Variants in GSK3B observed in about 807,000 individuals in gnomAD.
GSK3B encodes glycogen synthase kinase 3 beta.
GSK3B carries 15 observed loss-of-function variants against 56.4 expected under a neutral mutation model. That is an observed-to-expected ratio of 0.27 (90% confidence interval 0.18 to 0.41). The LOEUF (loss-of-function observed/expected upper bound fraction) is 0.41. Among genes scored for constraint, GSK3B ranks in the 10% least tolerant of loss-of-function variants. GSK3B has a pLI of 1.00. For missense variants in GSK3B, 300 were observed against 513.4 expected, an observed-to-expected ratio of 0.58 and a Z score of 4.02; for synonymous variants, 181 against 188.9, an observed-to-expected ratio of 0.96 and a Z score of 0.34.
chr3:119,833,030 C>T (rs923179743), intron 10 of GSK3B: 49 of 939,750 alleles, frequency 5.2e-5, no homozygotes, highest in Non-Finnish European at 6.1e-5. Context: ...GATTAATGGT[C>T]AACTGTCTCA....
intron 1 of GSK3B, among the ~76,000 whole-genome samples, chr3:120,026,029 T>G (rs2057920055): frequency 2.0e-5 from 3 of 152,208 alleles, no homozygotes; most frequent in Admixed American, 2.0e-4. Flanking sequence ...CTGGGTTTTA[T>G]AGCTTACTTT....
Position 120,069,800 on chromosome 3 carries a change from CACTT to C in GSK3B, c.88+23543_88+23546del, listed in dbSNP as rs1169739494. Among the ~76,000 whole-genome samples, 5 of 152,134 alleles carry C rather than the reference CACTT, an allele frequency of 3.3e-5. No individual in the cohort carries two copies. In the East Asian group the frequency reaches 5.8e-4, roughly 18 times the overall value. On this transcript the variant is annotated intron_variant, in intron 1 of 10. Transcript: ENST00000264235. ...CCAACATTTCCTGATTACGAATACT[CACTT>C]AAAAACTTCCAGATCCCTAGTGACA... is the stretch of plus-strand genomic sequence containing the variant.
intron 7 of GSK3B, among the ~76,000 whole-genome samples, chr3:119,890,416 T>C (rs1299549988): frequency 6.6e-6 from 1 of 152,126 alleles, no homozygotes; most frequent in East Asian, 1.9e-4. Flanking sequence ...TATGAAATTC[T>C]AGAATAGGCA....
chr3:119,865,711 C>T (rs370037746), intron 8 of GSK3B, among the ~76,000 whole-genome samples: 1 of 151,520 alleles, frequency 6.6e-6, no homozygotes, highest in African/African-American at 2.4e-5. Flanking sequence ...CCTCATGATC[C>T]GCCCGCCTCG....
intron 6 of GSK3B, 25 bp downstream of exon 6, chr3:119,912,679 G>A: frequency 3.1e-6 from 3 of 967,920 alleles, no homozygotes; most frequent in Non-Finnish European, 4.9e-6. Context: ...ATAATTATGA[G>A]CATTATATTC....
intron 8 of GSK3B, among the ~76,000 whole-genome samples, chr3:119,870,345 C>A (rs1014393162): frequency 6.6e-6 from 1 of 152,200 alleles, no homozygotes; most frequent in Non-Finnish European, 1.5e-5. Flanking sequence ...ATATATTTTA[C>A]TTCTTTTGCA....
At chr3:119,919,715 G>A (rs2056818656) in intron 4 of GSK3B, among the ~76,000 whole-genome samples, 1 of 151,948 alleles carries the variant, frequency 6.6e-6, no homozygotes, top group African/African-American at 2.4e-5. Flanking sequence ...GCACAGGGTT[G>A]TTCACTATAG....
At chr3:119,831,513 T>A (rs1295085432) in intron 10 of GSK3B, among the ~76,000 whole-genome samples, 1 of 151,878 alleles carries the variant, frequency 6.6e-6, no homozygotes, top group Non-Finnish European at 1.5e-5. Context: ...AAAAATTAGC[T>A]GGGCATAGTG....
At chr3:120,042,650 T>C (rs531253925) in intron 1 of GSK3B, among the ~76,000 whole-genome samples, 3 of 152,292 alleles carry the variant, frequency 2.0e-5, no homozygotes, top group African/African-American at 4.8e-5. Context: ...ATTAAAAATA[T>C]AGTGCTCAAG....
chr3:120,056,170 G>C (rs950332136), intron 1 of GSK3B, among the ~76,000 whole-genome samples: 2 of 152,184 alleles, frequency 1.3e-5, no homozygotes, highest in African/African-American at 2.4e-5. Context: ...TCTGGAAAAT[G>C]TAATTTTCAT....
chr3:119,922,216 A>G (rs529499297), intron 4 of GSK3B, among the ~76,000 whole-genome samples: 214 of 101,808 alleles, frequency 2.1e-3, no homozygotes, highest in Non-Finnish European at 1.8e-3. Flanking sequence ...GAGGGAAGGA[A>G]GGAAGGAAGG....
chr3:119,876,392 T>C (rs1485241453), intron 8 of GSK3B, 21 bp downstream of exon 8: 4 of 1,340,404 alleles, frequency 3.0e-6, no homozygotes, highest in Non-Finnish European at 4.3e-6. Context: ...ATTAATATAC[T>C]TAAAAAAAAA....
At chr3:119,865,470 T>A (rs879397050) in intron 8 of GSK3B, among the ~76,000 whole-genome samples, 814 of 24,176 alleles carry the variant, frequency 0.034, no homozygotes, top group Non-Finnish European at 0.043. Context: ...ATATATATTT[T>A]TTTTTTTTTT....
At chr3:120,046,981 G>C (rs1223990942) in intron 1 of GSK3B, among the ~76,000 whole-genome samples, 1 of 152,156 alleles carries the variant, frequency 6.6e-6, no homozygotes, top group African/African-American at 2.4e-5. Flanking sequence ...TGTAAAATGA[G>C]AGAGCTAAAT....
intron 10 of GSK3B, among the ~76,000 whole-genome samples, chr3:119,842,688 C>T (rs541386738): frequency 3.9e-5 from 6 of 152,048 alleles, no homozygotes; most frequent in Middle Eastern, 3.4e-3. Context: ...GAACTCCTGG[C>T]CTCGAGTGAT....
At chr3:119,909,201 G>T (rs982237678) in intron 6 of GSK3B, among the ~76,000 whole-genome samples, 3 of 152,052 alleles carry the variant, frequency 2.0e-5, no homozygotes, top group African/African-American at 7.2e-5. Flanking sequence ...GGTAGTGACA[G>T]GTTTTCACCA....
chr3:119,880,472 G>A (rs183839605), intron 7 of GSK3B, among the ~76,000 whole-genome samples: 7 of 152,156 alleles, frequency 4.6e-5, no homozygotes, highest in East Asian at 1.9e-4. Context: ...TGGTCCCTAT[G>A]TGTAGTTTCT....
At chr3:120,014,977 C>T (rs187559578) in intron 1 of GSK3B, among the ~76,000 whole-genome samples, 4 of 152,264 alleles carry the variant, frequency 2.6e-5, no homozygotes, top group African/African-American at 9.6e-5. Context: ...ATAACATCCC[C>T]TTCTTTAAAA....
At chr3:119,916,726 T>C (rs184200189) in intron 4 of GSK3B, among the ~76,000 whole-genome samples, 236 of 152,256 alleles carry the variant, frequency 1.6e-3, no homozygotes, top group Middle Eastern at 3.4e-3. Flanking sequence ...ACTGAGAAAA[T>C]CTGTAATCAC....
Sources: gnomAD v4.1 joint callset for allele counts (sites outside exome capture counted in the v4.1 genomes callset) on GRCh38, gnomAD v4.1.1 for gene constraint, MANE v1.5 for transcripts, NCBI Gene and HGNC (gene_info 2026-07-23, HGNC 2026-07-21) for gene names.